Variants in HNRNPM observed in about 807,000 individuals in gnomAD.
HNRNPM encodes heterogeneous nuclear ribonucleoprotein M.
HNRNPM carries 11 observed loss-of-function variants against 73.1 expected under a neutral mutation model. The ratio of observed to expected loss-of-function variants is 0.15; its 90% CI spans 0.09 to 0.25. The LOEUF (loss-of-function observed/expected upper bound fraction) is 0.25. Ranked by LOEUF, HNRNPM falls within the 10% of genes least tolerant of loss-of-function variation. The pLI is 1.00. For missense variants in HNRNPM, 789 were observed against 1,067.9 expected, an observed-to-expected ratio of 0.74 and a Z score of 3.64; for synonymous variants, 407 against 355.2, an observed-to-expected ratio of 1.15 and a Z score of -1.64.
At chr19:8,477,590 T>C (rs1472837789) in intron 12 of HNRNPM, among the ~76,000 whole-genome samples, 1 of 146,340 alleles carries the variant, frequency 6.8e-6, no homozygotes, top group African/African-American at 2.6e-5. Context: ...AGGTCGAGGC[T>C]GCAGTGAAGC....
intron 10 of HNRNPM, among the ~76,000 whole-genome samples, chr19:8,472,245 T>C (rs1308480734): frequency 6.6e-6 from 1 of 152,112 alleles, no homozygotes; most frequent in Non-Finnish European, 1.5e-5. Flanking sequence ...CTGTTTAGCA[T>C]TTTCATTGCT....
chr19:8,486,438 G>T, intron 14 of HNRNPM, 33 bp downstream of exon 14: 2 of 1,521,150 alleles, frequency 1.3e-6, no homozygotes, highest in East Asian at 2.3e-5. Context: ...CTTGGTGGTG[G>T]TGAGCATGAG....
chr19:8,447,457 C>T (rs1333957798), intron 1 of HNRNPM, among the ~76,000 whole-genome samples: 2 of 152,046 alleles, frequency 1.3e-5, no homozygotes, highest in Non-Finnish European at 1.5e-5. Flanking sequence ...AGGTGACCTC[C>T]GCCACCTGCT....
At chr19:8,448,033 A>G (rs1026466967) in intron 1 of HNRNPM, among the ~76,000 whole-genome samples, 7 of 152,172 alleles carry the variant, frequency 4.6e-5, no homozygotes, top group African/African-American at 1.7e-4. Context: ...CTTCAAACAA[A>G]CAAACAAACA....
intron 12 of HNRNPM, among the ~76,000 whole-genome samples, chr19:8,479,096 T>TTTTTTTTTTTTTTTTTTC: frequency 7.9e-6 from 1 of 126,862 alleles, no homozygotes; most frequent in South Asian, 2.6e-4. Context: ...TTTTTTTTTT[T>TTTTTTTTTTTTTTTTTTC]TTTTTTCAAG....
In HNRNPM at chr19:8,457,694, ACTT is replaced by A. The variant is rs574461816; in HGVS notation, c.283+2124_283+2126del. 1.4e-4 allele frequency among the ~76,000 whole-genome samples: 22 copies of A among 152,354 alleles called. No homozygotes were observed. The South Asian group carries it at 3.5e-3, about 24-fold the overall frequency. On this transcript the variant is annotated intron_variant, in intron 2 of 15. Coordinates refer to ENST00000325495, the MANE Select transcript of HNRNPM (RefSeq NM_005968.5). ...AATTTACTGTGTTTACATACATATG[ACTT>A]CTTAAGAAATACTCTTCTTATTACG...
intron 11 of HNRNPM, among the ~76,000 whole-genome samples, chr19:8,473,953 C>CTA (rs974096953): frequency 2.0e-5 from 3 of 151,774 alleles, no homozygotes; most frequent in Non-Finnish European, 4.4e-5. Flanking sequence ...TTTTGCTTGT[C>CTA]TATTCATTGA....
intron 9 of HNRNPM, among the ~76,000 whole-genome samples, chr19:8,470,657 T>G (rs1423968359): frequency 3.3e-5 from 5 of 152,124 alleles, no homozygotes; most frequent in African/African-American, 1.2e-4. Context: ...CTTACCTGGT[T>G]GTAGTTTAAG....
intron 10 of HNRNPM, among the ~76,000 whole-genome samples, chr19:8,473,067 G>A (rs1324244388): frequency 6.6e-6 from 1 of 151,958 alleles, no homozygotes; most frequent in East Asian, 1.9e-4. Context: ...TAGTCTAGGC[G>A]ACATAGACTC....
intron 12 of HNRNPM, among the ~76,000 whole-genome samples, chr19:8,478,050 C>T (rs1970641617): frequency 6.6e-6 from 1 of 152,132 alleles, no homozygotes; most frequent in African/African-American, 2.4e-5. Context: ...TGTTGAGTGC[C>T]TAGTAGGTGT....
chr19:8,483,317 G>T (rs183628990), intron 13 of HNRNPM, 106 bp downstream of exon 13: 2 of 834,986 alleles, frequency 2.4e-6, no homozygotes, highest in Non-Finnish European at 4.1e-6. Flanking sequence ...CAGACTGCCC[G>T]GGGTGGGAGC....
chr19:8,470,344 T>C (rs973139640), intron 9 of HNRNPM, among the ~76,000 whole-genome samples: 3 of 152,212 alleles, frequency 2.0e-5, no homozygotes, highest in Non-Finnish European at 4.4e-5. Context: ...TTTTCTTTCT[T>C]TTTGATGGAG....
At chr19:8,463,824 G>C in intron 5 of HNRNPM, 138 bp downstream of exon 5, 1 of 629,936 alleles carries the variant, frequency 1.6e-6, no homozygotes, top group South Asian at 1.9e-5. Flanking sequence ...GAAGAGTGTC[G>C]GTCATAGCCT....
At chr19:8,471,492 A>G in intron 10 of HNRNPM, 65 bp downstream of exon 10, 2 of 835,628 alleles carry the variant, frequency 2.4e-6, no homozygotes. Flanking sequence ...TATTGGGACA[A>G]CTGGACTTTG....
In HNRNPM at chr19:8,488,950, TAAA is replaced by T. The variant is rs1971513345; in HGVS notation, c.*100_*102del. 5 of 1,178,102 alleles carry T rather than the reference TAAA, an allele frequency of 4.2e-6. No homozygotes were observed. In the South Asian group the frequency reaches 8.6e-5, roughly 20 times the overall value. 73.0% of individuals were successfully genotyped at this position (1,178,102 alleles called of 1,614,324 possible). A position where few individuals can be genotyped will look rare whatever the true frequency, so the allele number is the denominator to read the frequency against. ...TGTTGGCTGGATGTATAAAGATGTT[TAAA>T]AAATTCAGTTGCTTTTTGGGGTAAT... On this transcript the variant is annotated 3_prime_UTR_variant, in exon 16 of 16. Coordinates refer to ENST00000325495, the MANE Select transcript of HNRNPM (RefSeq NM_005968.5).
chr19:8,479,096 T>TTTTTTTTTTTTTTTTTC, intron 12 of HNRNPM, among the ~76,000 whole-genome samples: 1 of 126,862 alleles, frequency 7.9e-6, no homozygotes, highest in Non-Finnish European at 1.6e-5. Flanking sequence ...TTTTTTTTTT[T>TTTTTTTTTTTTTTTTTC]TTTTTTCAAG....
At chr19:8,463,841 G>A in intron 5 of HNRNPM, 155 bp downstream of exon 5, 2 of 597,406 alleles carry the variant, frequency 3.3e-6, no homozygotes, top group Non-Finnish European at 5.9e-6. Flanking sequence ...GCCTACAGCA[G>A]CCATTCCCTG....
At chr19:8,457,186 G>A (rs1379954146) in intron 2 of HNRNPM, among the ~76,000 whole-genome samples, 1 of 152,206 alleles carries the variant, frequency 6.6e-6, no homozygotes, top group East Asian at 1.9e-4. Flanking sequence ...ATTTTTAGGA[G>A]TGTGTGAACC....
chr19:8,489,007 C>T lies in HNRNPM; in HGVS notation c.*153C>T, dbSNP rs1971517269. 1 of 684,622 alleles carries T rather than the reference C, an allele frequency of 1.5e-6. No homozygotes were observed. The highest frequency in any genetic ancestry group is 1.8e-5 in the African/African-American group (1 of 55,916). 42.4% of individuals were successfully genotyped at this position (684,622 alleles called of 1,614,324 possible). On this transcript the variant is annotated 3_prime_UTR_variant, in exon 16 of 16. Transcript: ENST00000325495. Reference sequence around the variant, plus strand: ...AATTACTTTTTTAATGACTGGGGTTCCATTTGACTGTTTGCATTGAGATTG... The same window carrying T: ...AATTACTTTTTTAATGACTGGGGTTTCATTTGACTGTTTGCATTGAGATTG...
Sources: allele counts gnomAD v4.1 joint callset (sites outside exome capture counted in the v4.1 genomes callset), GRCh38; gene constraint gnomAD v4.1.1; transcripts MANE v1.5; gene names NCBI Gene and HGNC (gene_info 2026-07-23, HGNC 2026-07-21).